The following FAF2 variants were observed in gnomAD, a reference collection of about 807,000 sequenced individuals.
FAF2 encodes the protein FAS-associated factor 2.
FAF2 carries 9 observed loss-of-function variants against 62.3 expected under a neutral mutation model. The observed-to-expected ratio is 0.14, with a 90% CI of 0.09 to 0.25. The LOEUF is 0.25. FAF2 is among the 10% of genes least tolerant of loss of function. FAF2 has a pLI of 1.00. For synonymous variants in FAF2, 202 were observed against 198.0 expected, an observed-to-expected ratio of 1.02 and a Z score of -0.17; for missense variants, 368 against 556.2, an observed-to-expected ratio of 0.66 and a Z score of 3.40.
intron 1 of FAF2, among the ~76,000 whole-genome samples, chr5:176,470,778 G>C (rs901938308): frequency 6.6e-6 from 1 of 152,192 alleles, no homozygotes; most frequent in Non-Finnish European, 1.5e-5. Context: ...ACTGGAAAAC[G>C]ATCCTGCTGA....
rs1755747364 is a variant in FAF2, at chr5:176,509,764, A to T, written c.*2814A>T. On this transcript the variant is annotated 3_prime_UTR_variant, in exon 11 of 11. Transcript: ENST00000261942. ...AATTGAGCAGTTGTGAAAATTGCTA[A>T]TGGTGCCAAGGCCAAGCAAAGAGTT... is the stretch of plus-strand genomic sequence containing the variant. 1 of 152,684 alleles carries T rather than the reference A, an allele frequency of 6.5e-6. No homozygotes were observed. Among genetic ancestry groups the T allele is most frequent in the Non-Finnish European group, 1.5e-5 (1 of 68,046 alleles). The allele number at this position is 152,684 out of a possible 1,614,324, so 9.5% of individuals were successfully genotyped here. A position where few individuals can be genotyped will look rare whatever the true frequency, so the allele number is the denominator to read the frequency against.
At chr5:176,473,003 T>G (rs1195912589) in intron 1 of FAF2, among the ~76,000 whole-genome samples, 1 of 152,222 alleles carries the variant, frequency 6.6e-6, no homozygotes, top group Non-Finnish European at 1.5e-5. Flanking sequence ...ATATAGAAAA[T>G]TCCTAAAAAT....
chr5:176,476,330 G>A (rs545713503), intron 1 of FAF2, among the ~76,000 whole-genome samples: 174 of 152,228 alleles, frequency 1.1e-3, no homozygotes, highest in African/African-American at 3.9e-3. Context: ...ATAATATCTA[G>A]AGGATTTCAG....
At chr5:176,460,513 C>CGTGTGTGTGTGTGTGTGT (rs747582699) in intron 1 of FAF2, among the ~76,000 whole-genome samples, 3 of 132,626 alleles carry the variant, frequency 2.3e-5, no homozygotes, top group Non-Finnish European at 4.7e-5. Flanking sequence ...TTTTTGGCCG[C>CGTGTGTGTGTGTGTGTGT]GTGTGTGTGT....
intron 3 of FAF2, 133 bp downstream of exon 3, chr5:176,486,622 G>A: frequency 2.3e-6 from 2 of 867,466 alleles, no homozygotes; most frequent in Non-Finnish European, 3.4e-6. Context: ...TTGGCCCGTT[G>A]GGTGTATTAT....
intron 1 of FAF2, among the ~76,000 whole-genome samples, chr5:176,478,505 G>A (rs976109620): frequency 6.6e-6 from 1 of 152,050 alleles, no homozygotes; most frequent in Admixed American, 6.6e-5. Flanking sequence ...GGGGTAGGGG[G>A]GTCGGTATGT....
chr5:176,460,513 CGTGTGTGTGTGTGTGTGTGTGT>C (rs747582699), intron 1 of FAF2, among the ~76,000 whole-genome samples: 3 of 132,626 alleles, frequency 2.3e-5, no homozygotes, highest in Non-Finnish European at 3.2e-5. Flanking sequence ...TTTTTGGCCG[CGTGTGTGTGTGTGTGTGTGTGT>C]GTGTGTGTGT....
intron 1 of FAF2, among the ~76,000 whole-genome samples, chr5:176,478,858 T>A (rs1365395925): frequency 6.6e-6 from 1 of 152,228 alleles, no homozygotes; most frequent in African/African-American, 2.4e-5. Context: ...GAATAGCTGT[T>A]TAGCATTAAA....
At chr5:176,499,138 C>A (rs1193321338) in intron 9 of FAF2, 53 bp downstream of exon 9, 4 of 1,481,070 alleles carry the variant, frequency 2.7e-6, no homozygotes, top group Non-Finnish European at 3.6e-6. Context: ...CGAGACTTTG[C>A]CATCTTGGTC....
At chr5:176,450,811 G>A (rs1758153149) in intron 1 of FAF2, among the ~76,000 whole-genome samples, 1 of 152,108 alleles carries the variant, frequency 6.6e-6, no homozygotes, top group African/African-American at 2.4e-5. Context: ...CCTCGGCTGG[G>A]ATTACAGGCG....
At chr5:176,471,224 G>A (rs909689396) in intron 1 of FAF2, among the ~76,000 whole-genome samples, 5 of 152,048 alleles carry the variant, frequency 3.3e-5, no homozygotes. Context: ...TCTTGCTGGT[G>A]TCTTGCTGTC....
chr5:176,455,045 C>T (rs1758259165), intron 1 of FAF2, among the ~76,000 whole-genome samples: 1 of 151,930 alleles, frequency 6.6e-6, no homozygotes, highest in South Asian at 2.1e-4. Context: ...AAATTAAAAG[C>T]TTTAAACAGG....
rs1755736721 is a variant in FAF2 at position 176,509,206 on chromosome 5, G to T, written c.*2256G>T. The T allele has an allele frequency of 6.6e-6, 1 of 152,146 alleles. No homozygotes were observed. Among genetic ancestry groups the T allele is most frequent in the Non-Finnish European group, 1.5e-5 (1 of 68,040 alleles). 9.4% of individuals were successfully genotyped at this position (152,146 alleles called of 1,614,324 possible). On this transcript the variant is annotated 3_prime_UTR_variant, in exon 11 of 11. Coordinates refer to ENST00000261942, the MANE Select transcript of FAF2 (RefSeq NM_014613.3). ...CAGTTCTGCTTTACTGAGACCCTAG[G>T]CCGGTCTCCTTGCTGACCCTAGCGC...
intron 1 of FAF2, among the ~76,000 whole-genome samples, chr5:176,461,916 A>G (rs1272205639): frequency 6.6e-6 from 1 of 152,126 alleles, no homozygotes; most frequent in Non-Finnish European, 1.5e-5. Context: ...TTCTTGTAGG[A>G]TTTTTATAGT....
intron 10 of FAF2, among the ~76,000 whole-genome samples, chr5:176,505,069 T>C (rs1317614620): frequency 2.0e-5 from 3 of 147,338 alleles, no homozygotes; most frequent in African/African-American, 7.5e-5. Context: ...GTTTAAGAAA[T>C]GAAGGACTGC....
chr5:176,494,135 G>C lies in FAF2; in HGVS notation c.570-49G>C. On this transcript the variant is annotated intron_variant, in intron 6 of 10. Coordinates refer to ENST00000261942, the MANE Select transcript of FAF2 (RefSeq NM_014613.3). This position sits in a 1 kb window ranked among gnomAD's most constrained non-coding sequence, Gnocchi z 4.0. ...TCTTTTCTGACTCTTTCTGGTGACA[G>C]TTTATAGTCAGCAAGTTGTTCTCAT... 2 of 1,606,506 alleles carry C rather than the reference G, an allele frequency of 1.2e-6. No individual in the cohort carries two copies. The highest frequency in any genetic ancestry group is 2.2e-5 in the South Asian group (2 of 90,682).
chr5:176,476,403 A>G (rs1311592641), intron 1 of FAF2, among the ~76,000 whole-genome samples: 4 of 152,210 alleles, frequency 2.6e-5, no homozygotes. Flanking sequence ...TGATTCTTCT[A>G]CGATTTAAGC....
At chr5:176,458,407 C>T (rs10055450) in intron 1 of FAF2, among the ~76,000 whole-genome samples, 6,631 of 30,056 alleles carry the variant, frequency 0.22, 594 homozygotes, top group African/African-American at 0.43. Context: ...TCTTTTTCTT[C>T]CTTTTTTTTT....
chr5:176,489,287 C>T (rs1275195643), intron 4 of FAF2, among the ~76,000 whole-genome samples: 2 of 82,934 alleles, frequency 2.4e-5, no homozygotes, highest in African/African-American at 4.2e-5. Context: ...TTATTTGTCT[C>T]CCCCTCCCCC....
Sources: gnomAD v4.1 joint callset for allele counts (sites outside exome capture counted in the v4.1 genomes callset) on GRCh38, gnomAD v4.1.1 for gene constraint, Gnocchi (gnomAD v3.1) non-coding constraint, MANE v1.5 for transcripts, NCBI Gene and HGNC (gene_info 2026-07-23, HGNC 2026-07-21) for gene names.